Variants in BMPR1A observed in about 807,000 individuals in gnomAD.
BMPR1A encodes the protein bone morphogenetic protein receptor type 1A.
A neutral mutation model predicts 66.0 loss-of-function variants in BMPR1A; 7 were observed. The ratio of observed to expected loss-of-function variants is 0.11; its 90% CI spans 0.06 to 0.20. The LOEUF is 0.20. Ranked by LOEUF, BMPR1A falls within the 10% of genes least tolerant of loss-of-function variation. BMPR1A has a pLI of 1.00. For missense variants in BMPR1A, 408 were observed against 669.1 expected, an observed-to-expected ratio of 0.61 and a Z score of 4.31; for synonymous variants, 200 against 229.7, an observed-to-expected ratio of 0.87 and a Z score of 1.17.
intron 11 of BMPR1A, among the ~76,000 whole-genome samples, chr10:86,922,443 G>T (rs1036367567): frequency 6.6e-6 from 1 of 152,092 alleles, no homozygotes; most frequent in Non-Finnish European, 1.5e-5. Flanking sequence ...TGGCAGTTAC[G>T]TAATTTAGAT....
chr10:86,919,192 A>G lies in BMPR1A; in HGVS notation c.889A>G (p.Lys297Glu), dbSNP rs1589291527. Reference sequence around the variant, plus strand: ...GACAGGTTTCATAGCGGCAGACATTAAAGGTACAGGTTCCTGGACTCAGCT... The same window carrying G: ...GACAGGTTTCATAGCGGCAGACATTGAAGGTACAGGTTCCTGGACTCAGCT... Reference protein sequence around the residue: ...NILGFIAADIKGTGSWTQLYL... With the variant: ...NILGFIAADIEGTGSWTQLYL... The change falls in exon 10 of 13, where the codon AAA becomes GAA. Residue 297 changes from lysine (K) to glutamate (E), a missense_variant. Coordinates refer to ENST00000372037, the MANE Select transcript of BMPR1A (RefSeq NM_004329.3). The G allele has an allele frequency of 1.2e-6, 2 of 1,613,844 alleles. No homozygotes were observed. Among genetic ancestry groups the G allele is most frequent in the Non-Finnish European group, 1.7e-6 (2 of 1,179,860 alleles).
chr10:86,891,991 C>T, intron 4 of BMPR1A, 136 bp from the exon 5 acceptor site: 1 of 705,578 alleles, frequency 1.4e-6, no homozygotes, highest in Non-Finnish European at 2.5e-6. Context: ...GCCAATAAAT[C>T]ACGTGTGAAT....
intron 7 of BMPR1A, among the ~76,000 whole-genome samples, chr10:86,900,355 A>G (rs1487688010): frequency 2.0e-5 from 3 of 151,938 alleles, no homozygotes; most frequent in African/African-American, 7.3e-5. Context: ...TTTTCTTATT[A>G]ATGGAATAGT....
At chr10:86,869,135 T>G (rs1163822016) in intron 2 of BMPR1A, among the ~76,000 whole-genome samples, 1 of 152,172 alleles carries the variant, frequency 6.6e-6, no homozygotes, top group African/African-American at 2.4e-5. Flanking sequence ...ATATATTTTA[T>G]CGTTAGATAT....
chr10:86,778,259 A>T (rs1036053401), intron 1 of BMPR1A, among the ~76,000 whole-genome samples: 2 of 151,494 alleles, frequency 1.3e-5, no homozygotes, highest in South Asian at 4.2e-4. Flanking sequence ...CTCATCAGCT[A>T]TCATTAGTGG....
chr10:86,798,300 A>G (rs1445224676), intron 1 of BMPR1A, among the ~76,000 whole-genome samples: 1 of 152,180 alleles, frequency 6.6e-6, no homozygotes, highest in Non-Finnish European at 1.5e-5. Context: ...CATACTTAAA[A>G]AACTAATACT....
chr10:86,802,745 G>C (rs1841829869), intron 1 of BMPR1A, among the ~76,000 whole-genome samples: 1 of 151,822 alleles, frequency 6.6e-6, no homozygotes, highest in Non-Finnish European at 1.5e-5. Context: ...CTTGTCAGAA[G>C]TTAGCTGAAT....
At position 86,788,269 on chromosome 10, in the gene BMPR1A, G is replaced by A. The variant is rs148692191; in HGVS notation, c.-268+31350G>A. On this transcript the variant is annotated intron_variant, in intron 1 of 12. Transcript: ENST00000372037. ...TGAATCAAATGTTTCATGTAAAACA[G>A]GATGGAAATGAACTTTTCTATTTGG... 3.8e-3 allele frequency among the ~76,000 whole-genome samples: 581 copies of A among 152,304 alleles called. 4 individuals are homozygous for A. The highest frequency in any genetic ancestry group is 0.013 in the African/African-American group (548 of 41,574).
chr10:86,855,707 T>A lies in BMPR1A; in HGVS notation c.-153+16728T>A, dbSNP rs897580602. On this transcript the variant is annotated intron_variant, in intron 2 of 12. Transcript: ENST00000372037. ...CTCAGTGACATCCACTACTGTCTGT[T>A]CTTTGTGTTTGGCATTAGCTTTGAG... is the stretch of plus-strand genomic sequence containing the variant. 38 of 761,546 alleles carry A rather than the reference T, an allele frequency of 5.0e-5. No individual in the cohort carries two copies. The African/African-American group carries it at 6.1e-4, about 12-fold the overall frequency. The allele number at this position is 761,546 out of a possible 1,614,324, so 47.2% of individuals were successfully genotyped here.
chr10:86,931,311 A>ATTTTTT (rs1212205263), downstream of BMPR1A: 30 of 129,716 alleles, frequency 2.3e-4, 1 homozygote, highest in Non-Finnish European at 2.8e-4. Flanking sequence ...ATATATATAT[A>ATTTTTT]TATTCAAGCA....
chr10:86,895,454 CT>C (rs1452616967), intron 5 of BMPR1A, among the ~76,000 whole-genome samples: 4 of 151,732 alleles, frequency 2.6e-5, no homozygotes, highest in Admixed American at 1.3e-4. Flanking sequence ...AGGAGAATTG[CT>C]TGAACACAGG....
intron 1 of BMPR1A, among the ~76,000 whole-genome samples, chr10:86,799,474 C>T (rs1466783874): frequency 1.1e-5 from 1 of 93,260 alleles, no homozygotes; most frequent in Non-Finnish European, 2.2e-5. Flanking sequence ...TCCTTTCTTC[C>T]TTCCTTCCTT....
intron 2 of BMPR1A, among the ~76,000 whole-genome samples, chr10:86,872,840 G>C (rs549947415): frequency 1.3e-5 from 2 of 152,202 alleles, no homozygotes; most frequent in Admixed American, 1.3e-4. Flanking sequence ...TTGTAGCCTG[G>C]AATTTCTGGG....
At chr10:86,830,226 G>A (rs1225222822) in intron 1 of BMPR1A, among the ~76,000 whole-genome samples, 1 of 152,212 alleles carries the variant, frequency 6.6e-6, no homozygotes, top group African/African-American at 2.4e-5. Context: ...CAGCTGGAGG[G>A]TGGCAGAAGA....
At chr10:86,788,717 C>T (rs1841553333) in intron 1 of BMPR1A, among the ~76,000 whole-genome samples, 1 of 152,156 alleles carries the variant, frequency 6.6e-6, no homozygotes, top group Non-Finnish European at 1.5e-5. Flanking sequence ...ACGCGACTCT[C>T]CTGCTTCAGC....
chr10:86,829,512 TA>T, intron 1 of BMPR1A, among the ~76,000 whole-genome samples: 1 of 152,152 alleles, frequency 6.6e-6, no homozygotes. Flanking sequence ...TTTAAACATA[TA>T]TGTAGTTGAT....
intron 1 of BMPR1A, among the ~76,000 whole-genome samples, chr10:86,789,083 A>T (rs746490110): frequency 9.2e-5 from 14 of 152,242 alleles, no homozygotes; most frequent in Non-Finnish European, 1.5e-4. Flanking sequence ...GAAGAATTAG[A>T]TATTCAGTTG....
At chr10:86,868,344 C>A (rs1454614318) in intron 2 of BMPR1A, among the ~76,000 whole-genome samples, 4 of 152,258 alleles carry the variant, frequency 2.6e-5, no homozygotes, top group African/African-American at 9.6e-5. Flanking sequence ...TAAATAACTG[C>A]GAGTGGTGTT....
Position 86,775,111 on chromosome 10 carries a change from T to C in BMPR1A, c.-268+18192T>C, listed in dbSNP as rs574466668. Among the ~76,000 whole-genome samples the C allele has an allele frequency of 2.6e-5, 4 of 152,324 alleles. No homozygotes were observed. The East Asian group carries it at 7.7e-4, about 29-fold the overall frequency. ...GAAGGGAAGGTCAGAATGTGTACTG[T>C]TTGTTTATGCTCTTTGCTAAGCATG... On this transcript the variant is annotated intron_variant, in intron 1 of 12. Transcript: ENST00000372037.
Sources: allele counts gnomAD v4.1 joint callset (sites outside exome capture counted in the v4.1 genomes callset), GRCh38; gene constraint gnomAD v4.1.1; transcripts MANE v1.5; gene names NCBI Gene and HGNC (gene_info 2026-07-23, HGNC 2026-07-21).